Variants in CRMP1 observed in about 807,000 individuals in gnomAD.
CRMP1 encodes dihydropyrimidinase-related protein 1.
Under a neutral mutation model 68.3 loss-of-function variants are expected in CRMP1, and 19 were observed. That is an observed-to-expected ratio of 0.28 (90% confidence interval 0.19 to 0.41). The LOEUF (loss-of-function observed/expected upper bound fraction) is 0.41, where lower values mean the gene tolerates loss of function less well. CRMP1 is among the 10% of genes least tolerant of loss of function. The pLI is 1.00. For synonymous variants in CRMP1, 439 were observed against 399.6 expected (o/e 1.10, Z -1.18); for missense variants, 791 against 967.4 (o/e 0.82, Z 2.42).
At position 5,822,493 on chromosome 4, in the gene CRMP1, A is replaced by AG. The variant is rs56927662; in HGVS notation, c.1970-643dup. 1.0e-2 allele frequency among the ~76,000 whole-genome samples: 1,340 copies of AG among 134,074 alleles called. 14 individuals carry two copies. The highest frequency in any genetic ancestry group is 0.042 in the South Asian group (160 of 3,844). The allele number at this position is 134,074 out of a possible 152,430, so 88.0% of individuals were successfully genotyped here. On this transcript the variant is annotated intron_variant, in intron 13 of 13. Transcript: ENST00000324989. ...CCTCATTGGCGATAGGTGGATCTGA[A>AG]GGGGGGGGGGGTGGTGTGCAGAGGT...
intron 1 of CRMP1, among the ~76,000 whole-genome samples, chr4:5,875,802 C>G (rs541096876): frequency 2.6e-5 from 4 of 152,100 alleles, no homozygotes; most frequent in South Asian, 4.2e-4. Context: ...CCCTCAGCCC[C>G]CTACCACATC....
rs1337939780 is a variant in CRMP1 at position 5,865,035 on chromosome 4, A to ATGCCCCCAATACTCCAC, written c.470+1616_470+1632dup. On this transcript the variant is annotated intron_variant, in intron 2 of 13. Coordinates refer to ENST00000324989, the MANE Select transcript of CRMP1 (RefSeq NM_001014809.3). The surrounding 1 kb of genome is among the most constrained non-coding windows in gnomAD (Gnocchi z 4.1). The stretch of plus-strand genomic sequence containing the variant: ...TGATTTGCATATGTGGTCCCTTTCA[A>ATGCCCCCAATACTCCAC]TGCCCCCAATACTCCACAGCCCCTT... 6.6e-6 allele frequency among the ~76,000 whole-genome samples: 1 copy of ATGCCCCCAATACTCCAC among 151,586 alleles called. No homozygotes were observed. Among genetic ancestry groups the ATGCCCCCAATACTCCAC allele is most frequent in the East Asian group, 2.0e-4 (1 of 5,118 alleles).
intron 1 of CRMP1, among the ~76,000 whole-genome samples, chr4:5,868,252 A>ACTATATATCTATAT (rs1560513056): frequency 9.8e-6 from 1 of 102,444 alleles, no homozygotes; most frequent in Non-Finnish European, 2.0e-5. Flanking sequence ...ATTCTTCATG[A>ACTATATATCTATAT]CTATATATCT....
intron 4 of CRMP1, 82 bp downstream of exon 4, chr4:5,856,061 G>A (rs775586064): frequency 6.6e-7 from 1 of 1,522,418 alleles, no homozygotes. Flanking sequence ...TGCAGACAGG[G>A]GGATTTTTCA....
At position 5,877,464 on chromosome 4, in the gene CRMP1, G is replaced by A. The variant is rs553026757; in HGVS notation, c.382-10708C>T. Among the ~76,000 whole-genome samples the A allele has an allele frequency of 5.1e-4, 78 of 152,222 alleles. No homozygotes were observed. Among genetic ancestry groups the A allele is most frequent in the African/African-American group, 8.4e-4 (35 of 41,522 alleles). On this transcript the variant is annotated intron_variant, in intron 1 of 13. Transcript: ENST00000324989. The surrounding 1 kb of genome is among the most constrained non-coding windows in gnomAD (Gnocchi z 4.3). ...CTCCCCACTCTGGCCTCCTTGCAAC[G>A]GCAAGTGCTGCCATCCCATCCAGCT...
At position 5,853,531 on chromosome 4, in the gene CRMP1, G is replaced by T. The variant is rs1026500553; in HGVS notation, c.821-2062C>A. 6.6e-6 allele frequency among the ~76,000 whole-genome samples: 1 copy of T among 152,154 alleles called. No homozygotes were observed. Among genetic ancestry groups the T allele is most frequent in the Non-Finnish European group, 1.5e-5 (1 of 68,024 alleles). On this transcript the variant is annotated intron_variant, in intron 4 of 13. Transcript: ENST00000324989. This position sits in a 1 kb window ranked among gnomAD's most constrained non-coding sequence, Gnocchi z 4.7. The stretch of plus-strand genomic sequence containing the variant: ...CAGCCACCTCTATGGGGAACAGTAC[G>T]GAGGCTCCTCACAAAACTAAGAACT...
In CRMP1 at chr4:5,861,513, T is replaced by G. The variant is rs1713554977; in HGVS notation, c.471-303A>C. On this transcript the variant is annotated intron_variant, in intron 2 of 13. Transcript: ENST00000324989. This position sits in a 1 kb window ranked among gnomAD's most constrained non-coding sequence, Gnocchi z 6.0. Reference sequence around the variant, plus strand: ...TTCCAGGTGGAGGGGGTGGCAGAGCTGAATCCAACAGAAGTGAGCCCAGCA... The same window carrying G: ...TTCCAGGTGGAGGGGGTGGCAGAGCGGAATCCAACAGAAGTGAGCCCAGCA... Among the ~76,000 whole-genome samples the G allele has an allele frequency of 6.6e-6, 1 of 152,134 alleles. No homozygotes were observed. The highest frequency in any genetic ancestry group is 1.5e-5 in the Non-Finnish European group (1 of 68,024).
At chr4:5,832,850 C>T (rs904157149) in intron 11 of CRMP1, among the ~76,000 whole-genome samples, 3 of 152,180 alleles carry the variant, frequency 2.0e-5, no homozygotes, top group African/African-American at 7.2e-5. Flanking sequence ...TCCTAACCCC[C>T]ATTACCTCAG....
rs199554578 is a variant in CRMP1 at position 5,825,802 on chromosome 4, C to CAT, written c.1804-144_1804-143insAT. 38,394 of 754,068 alleles carry CAT rather than the reference C, an allele frequency of 0.051. 1,199 individuals are homozygous for CAT. The highest frequency in any genetic ancestry group is 0.062 in the African/African-American group (3,417 of 54,742). The allele number at this position is 754,068 out of a possible 1,614,324, so 46.7% of individuals were successfully genotyped here. The stretch of plus-strand genomic sequence containing the variant: ...CACACACACACACAACACGCACACA[C>CAT]GACAGGTGCACTTCACACACATGCA... On this transcript the variant is annotated intron_variant, in intron 12 of 13. Coordinates refer to ENST00000324989, the MANE Select transcript of CRMP1 (RefSeq NM_001014809.3). This position sits in a 1 kb window ranked among gnomAD's most constrained non-coding sequence, Gnocchi z 4.4.
At chr4:5,874,228 T>C (rs1714655487) in intron 1 of CRMP1, among the ~76,000 whole-genome samples, 1 of 152,236 alleles carries the variant, frequency 6.6e-6, no homozygotes, top group Non-Finnish European at 1.5e-5. Context: ...ACCACACCAA[T>C]AATGAAGTAT....
In CRMP1 at chr4:5,877,932, ATG is replaced by A. The variant is rs747538858; in HGVS notation, c.382-11178_382-11177del. 1.7e-4 allele frequency among the ~76,000 whole-genome samples: 26 copies of A among 152,312 alleles called. No homozygotes were observed. Among genetic ancestry groups the A allele is most frequent in the Non-Finnish European group, 3.1e-4 (21 of 68,028 alleles). ...CATAGGGAAAGACGATGCTAGCTGC[ATG>A]TGTGATCGGTAACTTGACCCATTTC... On this transcript the variant is annotated intron_variant, in intron 1 of 13. Coordinates refer to ENST00000324989, the MANE Select transcript of CRMP1 (RefSeq NM_001014809.3). This position sits in a 1 kb window ranked among gnomAD's most constrained non-coding sequence, Gnocchi z 4.3.
rs1228078362 is a variant in CRMP1, at chr4:5,842,588, A to C, written c.1032+505T>G. The stretch of plus-strand genomic sequence containing the variant: ...GGTGCATGCACATGCACCCACACTC[A>C]CACACTCTCTCACACACACACACAC... On this transcript the variant is annotated intron_variant, in intron 7 of 13. Coordinates refer to ENST00000324989, the MANE Select transcript of CRMP1 (RefSeq NM_001014809.3). This position sits in a 1 kb window ranked among gnomAD's most constrained non-coding sequence, Gnocchi z 4.5. Among the ~76,000 whole-genome samples, 1 of 115,404 alleles carries C rather than the reference A, an allele frequency of 8.7e-6. No homozygotes were observed. The highest frequency in any genetic ancestry group is 1.9e-5 in the Non-Finnish European group (1 of 54,022). The allele number at this position is 115,404 out of a possible 152,430, so 75.7% of individuals were successfully genotyped here.
intron 8 of CRMP1, among the ~76,000 whole-genome samples, chr4:5,840,732 G>A (rs773450287): frequency 2.2e-4 from 33 of 152,160 alleles, no homozygotes; most frequent in Non-Finnish European, 4.1e-4. Flanking sequence ...ACCCGCTCCC[G>A]GCTGGTACCG....
intron 13 of CRMP1, chr4:5,824,926 A>G: frequency 3.0e-6 from 3 of 985,402 alleles, no homozygotes; most frequent in Non-Finnish European, 3.6e-6. Flanking sequence ...TCAACATCTA[A>G]TTTTGTTCCC....
intron 6 of CRMP1, among the ~76,000 whole-genome samples, chr4:5,846,592 CA>C: frequency 9.1e-6 from 1 of 109,596 alleles, no homozygotes; most frequent in South Asian, 3.7e-4. Context: ...GTTGGATCCC[CA>C]AAATTCTTTT....
At chr4:5,875,289 A>G (rs1714729451) in intron 1 of CRMP1, among the ~76,000 whole-genome samples, 1 of 150,486 alleles carries the variant, frequency 6.6e-6, no homozygotes, top group Non-Finnish European at 1.5e-5. Flanking sequence ...GAGGCATTAA[A>G]CCTCCCCGGG....
At chr4:5,833,939 G>A (rs1023244751) in intron 11 of CRMP1, among the ~76,000 whole-genome samples, 6 of 152,122 alleles carry the variant, frequency 3.9e-5, no homozygotes, top group African/African-American at 7.2e-5. Context: ...CCAGCTACTC[G>A]GGAGGCTGAG....
rs781251162 is a variant in CRMP1 at position 5,860,266 on chromosome 4, C to T, written c.655+760G>A. Among the ~76,000 whole-genome samples, 7 of 152,266 alleles carry T rather than the reference C, an allele frequency of 4.6e-5. No homozygotes were observed. Among genetic ancestry groups the T allele is most frequent in the South Asian group, 2.1e-4 (1 of 4,820 alleles). ...AGGCAGTGAGAAGAAAGGCAAGTTT[C>T]GGCCAGAACCCCCTGCATTCTGCCA... On this transcript the variant is annotated intron_variant, in intron 3 of 13. Transcript: ENST00000324989. The surrounding 1 kb of genome is among the most constrained non-coding windows in gnomAD (Gnocchi z 4.2).
Position 5,825,891 on chromosome 4 carries a change from A to C in CRMP1, c.1804-232T>G. 2.0e-6 allele frequency: 1 copy of C among 510,294 alleles called. No individual in the cohort carries two copies. Among genetic ancestry groups the C allele is most frequent in the Non-Finnish European group, 3.5e-6 (1 of 287,442 alleles). 31.6% of individuals were successfully genotyped at this position (510,294 alleles called of 1,614,324 possible). A position where few individuals can be genotyped will look rare whatever the true frequency, so the allele number is the denominator to read the frequency against. ...CACACATCTACATACCCACATGCAT[A>C]CACATACAGACGCACACACCACGCA... On this transcript the variant is annotated intron_variant, in intron 12 of 13. Transcript: ENST00000324989. This position sits in a 1 kb window ranked among gnomAD's most constrained non-coding sequence, Gnocchi z 4.4.
Sources: gnomAD v4.1 joint callset for allele counts (sites outside exome capture counted in the v4.1 genomes callset) on GRCh38, gnomAD v4.1.1 for gene constraint, Gnocchi (gnomAD v3.1) non-coding constraint, MANE v1.5 for transcripts, NCBI Gene and HGNC (gene_info 2026-07-23, HGNC 2026-07-21) for gene names.